SPCS2: variants seen among roughly 807,000 people sequenced by gnomAD.
SPCS2 encodes signal peptidase complex subunit 2, also known as SPase 25 kDa subunit.
Under a neutral mutation model 22.3 loss-of-function variants are expected in SPCS2, and 3 were observed. The observed-to-expected ratio is 0.13, with a 90% confidence interval of 0.06 to 0.35. The LOEUF (loss-of-function observed/expected upper bound fraction) is 0.35. Ranked by LOEUF, SPCS2 falls within the 10% of genes least tolerant of loss-of-function variation. SPCS2 has a pLI of 1.00. For missense variants in SPCS2, 169 were observed against 280.9 expected (o/e 0.60, Z 2.85); for synonymous variants, 67 against 97.2 (o/e 0.69, Z 1.83).
intron 4 of SPCS2, among the ~76,000 whole-genome samples, chr11:74,971,933 C>T (rs545878453): frequency 2.2e-4 from 34 of 152,304 alleles, no homozygotes; most frequent in African/African-American, 7.9e-4. Context: ...CCAGTGACCC[C>T]GTACCTTTAA....
At chr11:74,968,800 C>T (rs1294911019) in intron 3 of SPCS2, among the ~76,000 whole-genome samples, 2 of 152,068 alleles carry the variant, frequency 1.3e-5, no homozygotes, top group East Asian at 3.9e-4. Flanking sequence ...GCTGGGATTA[C>T]AGGTGTGAGC....
intron 4 of SPCS2, among the ~76,000 whole-genome samples, chr11:74,970,383 T>G (rs1452232915): frequency 6.6e-6 from 1 of 152,164 alleles, no homozygotes; most frequent in Non-Finnish European, 1.5e-5. Context: ...CTCATTAAGT[T>G]TTAGAACACT....
At chr11:74,974,092 T>C (rs1338614868) in intron 4 of SPCS2, among the ~76,000 whole-genome samples, 1 of 145,768 alleles carries the variant, frequency 6.9e-6, no homozygotes, top group Non-Finnish European at 1.5e-5. Context: ...ACATAGCTAA[T>C]TACCCTTACT....
Position 74,956,653 on chromosome 11 carries a change from C to G in SPCS2, c.114+7254C>G, listed in dbSNP as rs141134273. On this transcript the variant is annotated intron_variant, in intron 1 of 4. Coordinates refer to ENST00000263672, the MANE Select transcript of SPCS2 (RefSeq NM_014752.3). ...CCGTTACATTTTGTTCTCCACACAG[C>G]AGCCAGACTGATGTTTTAAAACATA... is the stretch of plus-strand genomic sequence containing the variant. Among the ~76,000 whole-genome samples the G allele has an allele frequency of 1.3e-3, 205 of 152,322 alleles. 1 individual carries two copies. The highest frequency in any genetic ancestry group is 4.8e-3 in the African/African-American group (198 of 41,576).
At chr11:74,970,467 A>T (rs1832894962) in intron 4 of SPCS2, among the ~76,000 whole-genome samples, 1 of 152,262 alleles carries the variant, frequency 6.6e-6, no homozygotes, top group Non-Finnish European at 1.5e-5. Context: ...AAAGTGGTAG[A>T]GCAGGAATTC....
chr11:74,949,488 C>A lies in SPCS2; in HGVS notation c.114+89C>A, dbSNP rs140891903. 4.6e-5 allele frequency: 56 copies of A among 1,207,796 alleles called. No individual in the cohort carries two copies. The East Asian group carries it at 1.4e-3, about 31-fold the overall frequency. The allele number at this position is 1,207,796 out of a possible 1,614,324, so 74.8% of individuals were successfully genotyped here. A position where few individuals can be genotyped will look rare whatever the true frequency, so the allele number is the denominator to read the frequency against. On this transcript the variant is annotated intron_variant, in intron 1 of 4. Transcript: ENST00000263672. ...TTCCCATCCCGGTCTCCCTTATTTT[C>A]TACGGCCTTTTGAGGGGAGCCCTTG...
chr11:74,967,322 A>G (rs2140218921), intron 3 of SPCS2, among the ~76,000 whole-genome samples: 1 of 152,364 alleles, frequency 6.6e-6, no homozygotes, highest in Admixed American at 6.5e-5. Flanking sequence ...TGATAGCAAC[A>G]TTATTACAAA....
Position 74,949,425 on chromosome 11 carries a change from T to C in SPCS2, c.114+26T>C, listed in dbSNP as rs187409077. The C allele has an allele frequency of 1.6e-4, 244 of 1,544,888 alleles. No homozygotes were observed. In the East Asian group the frequency reaches 5.0e-3, roughly 31 times the overall value. The stretch of plus-strand genomic sequence containing the variant: ...GTGAGGAGCCGGTTCTTGGGAACAG[T>C]TGAATCCTGGGGAGGCCTGGGAGGC... On this transcript the variant is annotated intron_variant, in intron 1 of 4. Transcript: ENST00000263672.
chr11:74,966,769 T>C (rs1220678279), intron 3 of SPCS2, among the ~76,000 whole-genome samples: 1 of 50,238 alleles, frequency 2.0e-5, no homozygotes, highest in Non-Finnish European at 4.5e-5. Context: ...TTTTGTTTTG[T>C]TTTCTTTTTT....
chr11:74,969,881 C>T (rs143595883), intron 4 of SPCS2, among the ~76,000 whole-genome samples, 182 bp downstream of exon 4: 47 of 152,250 alleles, frequency 3.1e-4, no homozygotes, highest in African/African-American at 9.4e-4. Context: ...TCTGAGATTG[C>T]GTTATCACAG....
Position 74,961,123 on chromosome 11 carries a change from A to G in SPCS2, c.115-3911A>G, listed in dbSNP as rs190783897. ...TAGTCCCTGTGACCCAGTGAGGGAG[A>G]CAATACATACAGTCAGGTAACCATG... On this transcript the variant is annotated intron_variant, in intron 1 of 4. Transcript: ENST00000263672. 4.0e-3 allele frequency among the ~76,000 whole-genome samples: 615 copies of G among 152,100 alleles called. 4 individuals are homozygous for G. Among genetic ancestry groups the G allele is most frequent in the African/African-American group, 0.015 (602 of 41,480 alleles).
At chr11:74,954,471 G>C (rs1948465191) in intron 1 of SPCS2, among the ~76,000 whole-genome samples, 1 of 152,210 alleles carries the variant, frequency 6.6e-6, no homozygotes, top group African/African-American at 2.4e-5. Context: ...GACCTAGGCT[G>C]TGGCCTTGGC....
chr11:74,972,726 T>TC, intron 4 of SPCS2, among the ~76,000 whole-genome samples: 1 of 152,054 alleles, frequency 6.6e-6, no homozygotes, highest in East Asian at 1.9e-4. Flanking sequence ...TTCTCTTTTT[T>TC]TTTTTTTTAA....
At chr11:74,966,425 A>G (rs1948546357) in intron 3 of SPCS2, among the ~76,000 whole-genome samples, 1 of 152,246 alleles carries the variant, frequency 6.6e-6, no homozygotes, top group Non-Finnish European at 1.5e-5. Context: ...TTCTGGAGCT[A>G]GAGAATATGG....
At chr11:74,961,347 G>T (rs1026495515) in intron 1 of SPCS2, among the ~76,000 whole-genome samples, 3 of 152,114 alleles carry the variant, frequency 2.0e-5, no homozygotes, top group African/African-American at 7.2e-5. Context: ...CTTTAGAGAG[G>T]TTAAATTATT....
At chr11:74,974,495 A>G (rs868013213) in intron 4 of SPCS2, among the ~76,000 whole-genome samples, 2 of 152,136 alleles carry the variant, frequency 1.3e-5, no homozygotes, top group Non-Finnish European at 2.9e-5. Flanking sequence ...CCTCTTTCTC[A>G]GTCCTTCTTT....
intron 4 of SPCS2, 126 bp downstream of exon 4, chr11:74,969,825 A>G: frequency 1.8e-6 from 2 of 1,133,630 alleles, no homozygotes; most frequent in Non-Finnish European, 2.6e-6. Flanking sequence ...TATAAAATGA[A>G]GAAAGGAGTA....
intron 4 of SPCS2, among the ~76,000 whole-genome samples, chr11:74,972,988 T>C (rs1378267577): frequency 6.6e-6 from 1 of 152,036 alleles, no homozygotes; most frequent in Non-Finnish European, 1.5e-5. Context: ...AAACATCGCA[T>C]ATTCTCACTC....
At chr11:74,974,153 A>C (rs1948602926) in intron 4 of SPCS2, among the ~76,000 whole-genome samples, 1 of 150,852 alleles carries the variant, frequency 6.6e-6, no homozygotes, top group Non-Finnish European at 1.5e-5. Flanking sequence ...ACACACTTCT[A>C]ATTTTCTTCT....
Sources: gnomAD v4.1 joint callset for allele counts (sites outside exome capture counted in the v4.1 genomes callset) on GRCh38, gnomAD v4.1.1 for gene constraint, MANE v1.5 for transcripts, NCBI Gene and HGNC (gene_info 2026-07-23, HGNC 2026-07-21) for gene names.